EHMT1: variants seen among roughly 807,000 people sequenced by gnomAD.
EHMT1 encodes the protein histone-lysine N-methyltransferase EHMT1.
EHMT1 carries 15 observed loss-of-function variants against 147.2 expected under a neutral mutation model. The ratio of observed to expected loss-of-function variants is 0.10; its 90% CI spans 0.07 to 0.16. The LOEUF is 0.16. EHMT1 is among the 10% of genes least tolerant of loss of function. EHMT1 has a pLI of 1.00. For synonymous variants in EHMT1, 795 were observed against 709.6 expected, an observed-to-expected ratio of 1.12 and a Z score of -1.91; for missense variants, 1,587 against 1,772.4, an observed-to-expected ratio of 0.90 and a Z score of 1.88.
intron 1 of EHMT1, among the ~76,000 whole-genome samples, chr9:137,692,782 C>G (rs769747510): frequency 4.6e-5 from 7 of 152,152 alleles, no homozygotes; most frequent in Non-Finnish European, 8.8e-5. Flanking sequence ...GTGAAGCCAT[C>G]ATGCTCCAGT....
chr9:137,775,825 C>G lies in EHMT1; in HGVS notation c.1791+573C>G, dbSNP rs1364172745. Reference sequence around the variant, plus strand: ...GTGCTCAGCCGTGCCCAGGGCCCCCCGAGAATGGGCTGCTTCCCTTTGGAG... The same window carrying G: ...GTGCTCAGCCGTGCCCAGGGCCCCCGGAGAATGGGCTGCTTCCCTTTGGAG... On this transcript the variant is annotated intron_variant, in intron 11 of 26. Coordinates refer to ENST00000460843, the MANE Select transcript of EHMT1 (RefSeq NM_024757.5). The surrounding 1 kb of genome is among the most constrained non-coding windows in gnomAD (Gnocchi z 6.1). Among the ~76,000 whole-genome samples, 1 of 151,918 alleles carries G rather than the reference C, an allele frequency of 6.6e-6. No individual in the cohort carries two copies. The highest frequency in any genetic ancestry group is 1.5e-5 in the Non-Finnish European group (1 of 67,968).
At chr9:137,717,623 A>AT (rs1945471305) in intron 3 of EHMT1, among the ~76,000 whole-genome samples, 1 of 145,882 alleles carries the variant, frequency 6.9e-6, no homozygotes, top group African/African-American at 2.7e-5. Flanking sequence ...AAAAAAAAAA[A>AT]AAAGAGATGC....
chr9:137,676,688 A>G (rs374653563), intron 1 of EHMT1, among the ~76,000 whole-genome samples: 1 of 152,226 alleles, frequency 6.6e-6, no homozygotes. Context: ...AGGGGACTGG[A>G]GTCCGCATGA....
chr9:137,742,330 T>C (rs1948170217), intron 4 of EHMT1, among the ~76,000 whole-genome samples: 1 of 148,672 alleles, frequency 6.7e-6, no homozygotes, highest in South Asian at 2.1e-4. Context: ...TGTGTGTGTG[T>C]GTAAGTAAAG....
chr9:137,762,806 A>G lies in EHMT1; in HGVS notation c.1633A>G (p.Ser545Gly), dbSNP rs1949931922. ...LANNQCMATE[S>G]VDHELGRCTN... Reference sequence around the variant, plus strand: ...CAACAACCAGTGCATGGCTACAGAGAGCGTGGACCATGAAGTAAGCACGTT... The same window carrying G: ...CAACAACCAGTGCATGGCTACAGAGGGCGTGGACCATGAAGTAAGCACGTT... Residue 545 changes from serine (S) to glycine (G), a missense_variant, in exon 10 of 27, where the codon AGC (serine) becomes GGC (glycine). Around this residue, in one of 7 missense-constraint regions of EHMT1, gnomAD observed 124 missense variants for 197.8 expected, o/e 0.63. Transcript: ENST00000460843. 8 of 1,614,202 alleles carry G rather than the reference A, an allele frequency of 5.0e-6. No homozygotes were observed. The highest frequency in any genetic ancestry group is 6.8e-6 in the Non-Finnish European group (8 of 1,180,044).
intron 1 of EHMT1, among the ~76,000 whole-genome samples, chr9:137,635,278 G>T (rs1220228387): frequency 2.0e-5 from 3 of 150,910 alleles, no homozygotes; most frequent in African/African-American, 7.3e-5. Flanking sequence ...GTGATCTCGG[G>T]TCACTGCAAC....
intron 12 of EHMT1, 36 bp from the exon 13 acceptor site, chr9:137,777,845 GT>G (rs1343389632): frequency 3.1e-6 from 5 of 1,610,190 alleles, no homozygotes; most frequent in Non-Finnish European, 4.2e-6. Context: ...CATGTTTCGT[GT>G]TTTCATAAAC....
At chr9:137,791,099 A>G (rs1174785584) in intron 16 of EHMT1, 129 bp downstream of exon 16, 1 of 1,483,686 alleles carries the variant, frequency 6.7e-7, no homozygotes, top group African/African-American at 1.4e-5. Context: ...TTGTCCAGAA[A>G]TAGTTCCTTC....
intron 1 of EHMT1, among the ~76,000 whole-genome samples, chr9:137,660,449 A>ATG (rs1253103858): frequency 1.3e-5 from 2 of 151,906 alleles, no homozygotes; most frequent in Non-Finnish European, 2.9e-5. Context: ...CACAGTTCAA[A>ATG]TGTGTGGGGG....
chr9:137,762,583 T>G, intron 9 of EHMT1, 92 bp from the exon 10 acceptor site: 15 of 1,594,642 alleles, frequency 9.4e-6, no homozygotes, highest in Non-Finnish European at 1.2e-5. Context: ...TCCTGGCGTG[T>G]GAGATCACTG....
At chr9:137,698,686 T>C (rs892742452) in intron 1 of EHMT1, among the ~76,000 whole-genome samples, 1 of 152,184 alleles carries the variant, frequency 6.6e-6, no homozygotes, top group African/African-American at 2.4e-5. Context: ...CATGAAACCA[T>C]TGAGTCTTTT....
At chr9:137,688,707 A>G (rs1942671799) in intron 1 of EHMT1, among the ~76,000 whole-genome samples, 1 of 152,212 alleles carries the variant, frequency 6.6e-6, no homozygotes, top group Non-Finnish European at 1.5e-5. Context: ...GATTACCATC[A>G]CTTAGCAGTG....
chr9:137,629,874 TGATATAGAAA>T (rs2133590104), intron 1 of EHMT1, among the ~76,000 whole-genome samples: 1 of 152,310 alleles, frequency 6.6e-6, no homozygotes, highest in Admixed American at 6.5e-5. Flanking sequence ...ATGGCAGGTA[TGATATAGAAA>T]GCATTACTTC....
intron 1 of EHMT1, among the ~76,000 whole-genome samples, chr9:137,631,486 T>G (rs1038178909): frequency 6.6e-6 from 1 of 152,234 alleles, no homozygotes; most frequent in African/African-American, 2.4e-5. Context: ...ATTTAATTAC[T>G]GTGCATATTT....
At chr9:137,698,759 C>T (rs1333644945) in intron 1 of EHMT1, among the ~76,000 whole-genome samples, 1 of 152,096 alleles carries the variant, frequency 6.6e-6, no homozygotes, top group Non-Finnish European at 1.5e-5. Flanking sequence ...TTTTTCCTAT[C>T]TCTTTAAAAT....
chr9:137,821,782 TGTTTACTA>T (rs1955441291), intron 25 of EHMT1, among the ~76,000 whole-genome samples: 1 of 152,212 alleles, frequency 6.6e-6, no homozygotes, highest in African/African-American at 2.4e-5. Context: ...TTTACTACCT[TGTTTACTA>T]GTTCATGAAC....
At chr9:137,679,023 C>T (rs755165386) in intron 1 of EHMT1, among the ~76,000 whole-genome samples, 4 of 152,060 alleles carry the variant, frequency 2.6e-5, no homozygotes, top group Non-Finnish European at 5.9e-5. Flanking sequence ...GCGCGATCTC[C>T]GCTCACTGTA....
chr9:137,684,803 CT>C, intron 1 of EHMT1, among the ~76,000 whole-genome samples: 1 of 152,288 alleles, frequency 6.6e-6, no homozygotes, highest in Admixed American at 6.5e-5. Context: ...CAAAGCCATT[CT>C]TTTACTGAAT....
chr9:137,799,110 G>A (rs1481850676), intron 17 of EHMT1, among the ~76,000 whole-genome samples, 196 bp downstream of exon 17: 2 of 151,136 alleles, frequency 1.3e-5, no homozygotes, highest in Non-Finnish European at 1.5e-5. Context: ...CACACACAGA[G>A]CCAGCTCGGG....
Sources: allele counts gnomAD v4.1 joint callset (sites outside exome capture counted in the v4.1 genomes callset), GRCh38; gene constraint gnomAD v4.1.1; regional missense constraint gnomAD v4.1.1; non-coding constraint Gnocchi (gnomAD v3.1); transcripts MANE v1.5; gene names NCBI Gene and HGNC (gene_info 2026-07-23, HGNC 2026-07-21).